Variants in GP6 observed in about 807,000 individuals in gnomAD.
The protein encoded by GP6 is glycoprotein VI platelet.
A neutral mutation model predicts 37.3 loss-of-function variants in GP6; 45 were observed. That is an observed-to-expected ratio of 1.21 (90% CI 0.95 to 1.55). The LOEUF (loss-of-function observed/expected upper bound fraction) is 1.55, where lower values mean the gene tolerates loss of function less well. Among genes scored for constraint, GP6 ranks in the 40% most tolerant of loss-of-function variants. The pLI is 0.00. For missense variants in GP6, 813 were observed against 760.2 expected, an observed-to-expected ratio of 1.07 and a Z score of -0.82; for synonymous variants, 340 against 316.4, an observed-to-expected ratio of 1.07 and a Z score of -0.79.
chr19:55,026,002 A>C (rs1323454350), intron 4 of GP6, among the ~76,000 whole-genome samples: 10 of 14,856 alleles, frequency 6.7e-4, no homozygotes, highest in African/African-American at 1.5e-3. Context: ...ACTCCCCCCA[A>C]AAAAAAAAAA....
intron 5 of GP6, among the ~76,000 whole-genome samples, chr19:55,024,385 C>T (rs2074226966): frequency 7.0e-6 from 1 of 143,320 alleles, no homozygotes; most frequent in African/African-American, 2.5e-5. Context: ...CAGTATGTGA[C>T]CATCTTCCAT....
chr19:55,034,076 A>G (rs2074716848), intron 1 of GP6, among the ~76,000 whole-genome samples: 1 of 152,112 alleles, frequency 6.6e-6, no homozygotes, highest in South Asian at 2.1e-4. Flanking sequence ...CTACATCTAT[A>G]CATACATGTG....
intron 3 of GP6, among the ~76,000 whole-genome samples, chr19:55,030,370 C>T (rs34047549): frequency 0.49 from 74,209 of 150,664 alleles, 18,545 homozygotes; most frequent in East Asian, 0.75. Context: ...TTTCCCAAGA[C>T]GGAGTCTTGC....
rs181543973 is a variant in GP6, at chr19:55,032,576, C to G, written c.35-38G>C. ...GAAAGGGACCAGATGCCAGGACTCG[C>G]TTTTATGGACATTCCTGCCTGCTGG... On this transcript the variant is annotated intron_variant, in intron 1 of 7. Transcript: ENST00000310373. 2.8e-4 allele frequency: 450 copies of G among 1,610,386 alleles called. 2 individuals carry two copies. The African/African-American group carries it at 5.4e-3, about 19-fold the overall frequency.
chr19:55,028,115 C>T (rs2146825368), intron 3 of GP6, among the ~76,000 whole-genome samples: 1 of 152,356 alleles, frequency 6.6e-6, no homozygotes, highest in African/African-American at 2.4e-5. Flanking sequence ...GGAGACAAAT[C>T]TCCCTCTGTA....
rs780015649 is a variant in GP6 at position 55,014,416 on chromosome 19, C to A, written c.1529G>T (p.Gly510Val). ...TGACATACCCAAACTGCCTGCAAGA[C>A]CCGTTCTGAGAGACGAAAGGAGATT... The change falls in exon 8 of 8, where the codon GGT becomes GTT. Residue 510 changes from glycine to valine, a missense_variant. Transcript: ENST00000310373. The A allele has an allele frequency of 2.5e-6, 4 of 1,613,666 alleles. No homozygotes were observed. Among genetic ancestry groups the A allele is most frequent in the South Asian group, 2.2e-5 (2 of 91,070 alleles).
intron 3 of GP6, among the ~76,000 whole-genome samples, chr19:55,030,487 C>T (rs746031124): frequency 2.4e-4 from 37 of 151,274 alleles, no homozygotes; most frequent in African/African-American, 6.3e-4. Flanking sequence ...TACAGGAGTG[C>T]GCCACCGCGC....
In GP6 at chr19:55,038,228, T is replaced by C; in HGVS notation, c.9A>G (p.Pro3=). 6.3e-7 allele frequency: 1 copy of C among 1,590,302 alleles called. No homozygotes were observed. The highest frequency in any genetic ancestry group is 8.6e-7 in the Non-Finnish European group (1 of 1,167,314). The change falls in exon 1 of 8, where the codon CCA becomes CCG. Residue 3 remains proline (P), a synonymous_variant. Coordinates refer to ENST00000310373, the MANE Select transcript of GP6 (RefSeq NM_001083899.2). ...CAAGACAGAAGAGGGCGGTCGGGGA[T>C]GGAGACATGGTTCCTCAGCCCTGTC...
intron 3 of GP6, among the ~76,000 whole-genome samples, chr19:55,029,976 C>T (rs562003843): frequency 2.8e-4 from 42 of 152,118 alleles, no homozygotes; most frequent in African/African-American, 9.4e-4. Flanking sequence ...ATTAGGGTGG[C>T]GTGAGTGAGG....
chr19:55,032,847 G>GTTCGTGTTAGACACGGTGGGCTCA, intron 1 of GP6: 1 of 534,724 alleles, frequency 1.9e-6, no homozygotes, highest in African/African-American at 2.0e-5. Flanking sequence ...CTGTGGACTT[G>GTTCGTGTTAGACACGGTGGGCTCA]TTCGTGTTAG....
chr19:55,036,914 G>A (rs566761337), intron 1 of GP6, among the ~76,000 whole-genome samples: 42 of 152,130 alleles, frequency 2.8e-4, no homozygotes, highest in Non-Finnish European at 4.3e-4. Flanking sequence ...GGGAGGCTGA[G>A]GCAGGAGAAT....
At chr19:55,018,564 G>T in intron 6 of GP6, 88 bp downstream of exon 6, 3 of 833,528 alleles carry the variant, frequency 3.6e-6, no homozygotes, top group Non-Finnish European at 6.4e-6. Flanking sequence ...TCGGTGAAGT[G>T]ATTAAAAGCC....
At position 55,015,051 on chromosome 19, in the gene GP6, C is replaced by T. The variant is rs779935541; in HGVS notation, c.894G>A (p.Ala298=). ...CACAGCCCTGCCCCTGTGCCGCAGGCGCTTCCTCCGGCTGTGCCAGTCCTC... is the reference window on the plus strand; with the variant it reads ...CACAGCCCTGCCCCTGTGCCGCAGGTGCTTCCTCCGGCTGTGCCAGTCCTC... Residue 298 remains alanine (A), a synonymous_variant, in exon 8 of 8, where the codon GCG becomes GCA. Transcript: ENST00000310373. 3.1e-5 allele frequency: 50 copies of T among 1,607,584 alleles called. No homozygotes were observed. In the East Asian group the frequency reaches 8.5e-4, roughly 27 times the overall value.
chr19:55,031,737 A>G (rs1033040813), intron 3 of GP6, among the ~76,000 whole-genome samples: 1 of 152,166 alleles, frequency 6.6e-6, no homozygotes, highest in African/African-American at 2.4e-5. Context: ...TGAGCAACAT[A>G]GCGAGACCCT....
intron 6 of GP6, among the ~76,000 whole-genome samples, chr19:55,018,251 C>T (rs967176761): frequency 5.9e-5 from 9 of 152,144 alleles, no homozygotes; most frequent in Admixed American, 4.6e-4. Flanking sequence ...CTGCAGAGGC[C>T]TGGAGCGGTT....
intron 1 of GP6, among the ~76,000 whole-genome samples, chr19:55,034,164 G>C (rs2146902108): frequency 6.7e-6 from 1 of 149,552 alleles, no homozygotes; most frequent in South Asian, 2.1e-4. Flanking sequence ...GTGTGTGTGT[G>C]TGTGTGTGTG....
Position 55,018,917 on chromosome 19 carries a change from G to A in GP6, c.665-206C>T, listed in dbSNP as rs1214535659. ...AAGCAGATCCGTTCAGCAATTGATA[G>A]ACACTTGGTTTTTTTTCCACGTTTT... On this transcript the variant is annotated intron_variant, in intron 5 of 7. Transcript: ENST00000310373. 1.1e-5 allele frequency: 7 copies of A among 619,214 alleles called. No individual in the cohort carries two copies. In the Admixed American group the frequency reaches 1.9e-4, roughly 17 times the overall value. The allele number at this position is 619,214 out of a possible 1,614,324, so 38.4% of individuals were successfully genotyped here.
rs2074698644 is a variant in GP6 at position 55,033,637 on chromosome 19, A to G, written c.35-1099T>C. Among the ~76,000 whole-genome samples, 4 of 152,212 alleles carry G rather than the reference A, an allele frequency of 2.6e-5. 1 individual carries two copies. In the South Asian group the frequency reaches 8.3e-4, roughly 31 times the overall value. Reference sequence around the variant, plus strand: ...TGCTGTCCCTTCGTTTCCTCCCTTCAGTCTCCCAATATTAAATAATATCCA... The same window carrying G: ...TGCTGTCCCTTCGTTTCCTCCCTTCGGTCTCCCAATATTAAATAATATCCA... On this transcript the variant is annotated intron_variant, in intron 1 of 7. Transcript: ENST00000310373.
Position 55,021,000 on chromosome 19 carries a change from C to T in GP6, c.665-2289G>A, listed in dbSNP as rs551754387. ...CCTGGAGGCAGAGGCTGCAGTGAGC[C>T]GAGATCATGCCCCTGCAATCCAGCC... On this transcript the variant is annotated intron_variant, in intron 5 of 7. Coordinates refer to ENST00000310373, the MANE Select transcript of GP6 (RefSeq NM_001083899.2). Among the ~76,000 whole-genome samples the T allele has an allele frequency of 8.2e-5, 12 of 145,716 alleles. No individual in the cohort carries two copies. The South Asian group carries it at 8.6e-4, about 10-fold the overall frequency.
Sources: gnomAD v4.1 joint callset for allele counts (sites outside exome capture counted in the v4.1 genomes callset) on GRCh38, gnomAD v4.1.1 for gene constraint, MANE v1.5 for transcripts, NCBI Gene and HGNC (gene_info 2026-07-23, HGNC 2026-07-21) for gene names.